SNX25: variants seen among roughly 807,000 people sequenced by gnomAD.
The protein encoded by SNX25 is sorting nexin-25.
Under a neutral mutation model 113.7 loss-of-function variants are expected in SNX25, and 62 were observed. The observed-to-expected ratio is 0.55, with a 90% CI of 0.44 to 0.67. The LOEUF (loss-of-function observed/expected upper bound fraction) is 0.67. Among genes scored for constraint, SNX25 ranks in the 30% least tolerant of loss-of-function variants. SNX25 has a pLI of 0.00. For synonymous variants in SNX25, 421 were observed against 436.2 expected (o/e 0.97, Z 0.43); for missense variants, 1,014 against 1,161.0 (o/e 0.87, Z 1.84).
intron 1 of SNX25, among the ~76,000 whole-genome samples, chr4:185,225,629 T>C (rs1740886144): frequency 6.6e-6 from 1 of 152,230 alleles, no homozygotes; most frequent in Non-Finnish European, 1.5e-5. Flanking sequence ...AGTTATGTAA[T>C]GTGAACGTCG....
intron 7 of SNX25, among the ~76,000 whole-genome samples, chr4:185,319,779 A>G (rs1404990454): frequency 1.3e-5 from 2 of 152,206 alleles, no homozygotes; most frequent in Non-Finnish European, 2.9e-5. Context: ...TTAAATATTC[A>G]GTAAGCTTTA....
intron 5 of SNX25, among the ~76,000 whole-genome samples, chr4:185,280,751 T>C (rs1035909395): frequency 9.9e-5 from 15 of 152,234 alleles, no homozygotes; most frequent in African/African-American, 3.6e-4. Flanking sequence ...TTTTCAAAAA[T>C]CTTCAACTGC....
intron 7 of SNX25, among the ~76,000 whole-genome samples, chr4:185,319,162 G>T: frequency 7.4e-6 from 1 of 135,946 alleles, no homozygotes; most frequent in East Asian, 2.1e-4. Context: ...TATTGGTGCA[G>T]ACATTTAAAT....
intron 1 of SNX25, among the ~76,000 whole-genome samples, chr4:185,218,304 C>T (rs1290335337): frequency 6.6e-6 from 1 of 152,200 alleles, no homozygotes; most frequent in East Asian, 1.9e-4. Flanking sequence ...AGGCTGGTCT[C>T]GAACTCCTGA....
At chr4:185,353,303 C>G (rs767896601) in intron 14 of SNX25, 182 bp from the exon 15 acceptor site, 1 of 503,816 alleles carries the variant, frequency 2.0e-6, no homozygotes. Flanking sequence ...GAATAAGGCT[C>G]GAGAATCAAG....
At chr4:185,350,746 C>T (rs1241386830) in intron 13 of SNX25, among the ~76,000 whole-genome samples, 1 of 152,148 alleles carries the variant, frequency 6.6e-6, no homozygotes, top group Non-Finnish European at 1.5e-5. Flanking sequence ...CCTGTAGTCC[C>T]AGCTACTTGG....
Position 185,353,556 on chromosome 4 carries a change from T to C in SNX25, c.2538T>C (p.Ala846=). 6.2e-7 allele frequency: 1 copy of C among 1,614,220 alleles called. No individual in the cohort carries two copies. Among genetic ancestry groups the C allele is most frequent in the Non-Finnish European group, 8.5e-7 (1 of 1,180,034 alleles). Reference sequence around the variant, plus strand: ...TGGATGGGAGGAAAGACGCCTTGGCTGAACCATGTTTCATGTTGATTGGGG... The same window carrying C: ...TGGATGGGAGGAAAGACGCCTTGGCCGAACCATGTTTCATGTTGATTGGGG... ...DDVDGRKDAL[A]EPCFMLIGEI... is the part of the protein sequence containing the mutation. Residue 846 remains alanine (A), a synonymous_variant, in exon 15 of 19, where the codon GCT becomes GCC. Coordinates refer to ENST00000652585, the MANE Select transcript of SNX25 (RefSeq NM_001378034.2).
At chr4:185,346,179 G>A (rs2095285350) in intron 12 of SNX25, among the ~76,000 whole-genome samples, 1 of 152,118 alleles carries the variant, frequency 6.6e-6, no homozygotes, top group African/African-American at 2.4e-5. Flanking sequence ...GTTAACTTTA[G>A]CTTTTTACAG....
At chr4:185,349,114 GGAA>G (rs750063521) in intron 13 of SNX25, among the ~76,000 whole-genome samples, 2 of 152,174 alleles carry the variant, frequency 1.3e-5, no homozygotes, top group South Asian at 4.1e-4. Context: ...GGTCCACAAT[GGAA>G]GAAGAAGGAT....
chr4:185,315,101 G>A (rs544018016), intron 7 of SNX25, among the ~76,000 whole-genome samples: 755 of 149,194 alleles, frequency 5.1e-3, no homozygotes, highest in African/African-American at 6.3e-3. Flanking sequence ...GGTGGTGGGC[G>A]CCTGTAGTCC....
chr4:185,212,491 G>GTTTCTGTTTTTTTTTT (rs1553980597), intron 1 of SNX25, among the ~76,000 whole-genome samples: 1 of 104,944 alleles, frequency 9.5e-6, no homozygotes, highest in African/African-American at 3.7e-5. Context: ...GTGTGTGTGT[G>GTTTCTGTTTTTTTTTT]TTTTTTTTTT....
chr4:185,324,920 G>A (rs75358078), intron 9 of SNX25, among the ~76,000 whole-genome samples: 1,847 of 152,244 alleles, frequency 0.012, 38 homozygotes, highest in African/African-American at 0.042. Context: ...TTGGGTAGTT[G>A]CTGTGAAATA....
At chr4:185,346,151 G>A (rs1205695436) in intron 12 of SNX25, among the ~76,000 whole-genome samples, 3 of 152,184 alleles carry the variant, frequency 2.0e-5, no homozygotes, top group Admixed American at 1.3e-4. Flanking sequence ...GAGCCACCAC[G>A]CCCGGCCATT....
intron 11 of SNX25, among the ~76,000 whole-genome samples, chr4:185,341,133 T>A (rs1310070832): frequency 6.6e-6 from 1 of 152,270 alleles, no homozygotes; most frequent in Non-Finnish European, 1.5e-5. Flanking sequence ...AAGCTCAAAT[T>A]CAATGTATTT....
chr4:185,300,460 G>A (rs770163039), intron 6 of SNX25, among the ~76,000 whole-genome samples: 12 of 151,348 alleles, frequency 7.9e-5, no homozygotes, highest in Middle Eastern at 3.2e-3. Context: ...GAGCCACCGC[G>A]CCTGGCCACG....
intron 1 of SNX25, among the ~76,000 whole-genome samples, chr4:185,220,226 G>A (rs1292649419): frequency 6.6e-6 from 1 of 152,026 alleles, no homozygotes; most frequent in Non-Finnish European, 1.5e-5. Flanking sequence ...GCTTGAGTCT[G>A]TGACATCTTA....
intron 1 of SNX25, among the ~76,000 whole-genome samples, chr4:185,212,491 G>GTGTGTGTGTGTTTTTGTTT (rs546083196): frequency 3.8e-4 from 40 of 104,938 alleles, no homozygotes; most frequent in South Asian, 9.3e-4. Flanking sequence ...GTGTGTGTGT[G>GTGTGTGTGTGTTTTTGTTT]TTTTTTTTTT....
chr4:185,363,950 T>G lies in SNX25; in HGVS notation c.*485T>G, dbSNP rs2095377511. On this transcript the variant is annotated 3_prime_UTR_variant, in exon 19 of 19. Coordinates refer to ENST00000652585, the MANE Select transcript of SNX25 (RefSeq NM_001378034.2). This position sits in a 1 kb window ranked among gnomAD's most constrained non-coding sequence, Gnocchi z 4.2. ...CCCATAGTTTGAGCATTCAAAGCAA[T>G]AAAATATAAAAATGAATCACAGTGC... 1 of 153,650 alleles carries G rather than the reference T, an allele frequency of 6.5e-6. No homozygotes were observed. The highest frequency in any genetic ancestry group is 2.4e-5 in the African/African-American group (1 of 41,430). 9.5% of individuals were successfully genotyped at this position (153,650 alleles called of 1,614,324 possible).
At chr4:185,357,806 T>C in intron 16 of SNX25, 69 bp downstream of exon 16, 2 of 1,252,042 alleles carry the variant, frequency 1.6e-6, no homozygotes, top group East Asian at 2.3e-5. Flanking sequence ...AATTACCTTA[T>C]GATCTAGCAG....
Sources: gnomAD v4.1 joint callset for allele counts (sites outside exome capture counted in the v4.1 genomes callset) on GRCh38, gnomAD v4.1.1 for gene constraint, Gnocchi (gnomAD v3.1) non-coding constraint, MANE v1.5 for transcripts, NCBI Gene and HGNC (gene_info 2026-07-23, HGNC 2026-07-21) for gene names.